The following RNF8 variants were observed in gnomAD, a reference collection of about 807,000 sequenced individuals.
RNF8 encodes the protein E3 ubiquitin-protein ligase RNF8.
A neutral mutation model predicts 59.3 loss-of-function variants in RNF8; 8 were observed. The observed-to-expected ratio is 0.13, with a 90% CI of 0.08 to 0.24. The LOEUF (loss-of-function observed/expected upper bound fraction) is 0.24, where lower values mean the gene tolerates loss of function less well. Ranked by LOEUF, RNF8 falls within the 10% of genes least tolerant of loss-of-function variation. The pLI is 1.00. For missense variants in RNF8, 406 were observed against 572.6 expected (o/e 0.71, Z 2.97); for synonymous variants, 162 against 200.0 (o/e 0.81, Z 1.60).
At chr6:37,361,028 C>T (rs1340521291) in intron 2 of RNF8, among the ~76,000 whole-genome samples, 1 of 152,116 alleles carries the variant, frequency 6.6e-6, no homozygotes, top group Non-Finnish European at 1.5e-5. Context: ...CTCCCCTGGC[C>T]TTTAAAACAT....
intron 5 of RNF8, among the ~76,000 whole-genome samples, chr6:37,375,609 A>G (rs1280270790): frequency 1.3e-5 from 2 of 152,170 alleles, no homozygotes; most frequent in Non-Finnish European, 2.9e-5. Flanking sequence ...ATCACATAAT[A>G]CCTTCCTCTC....
chr6:37,381,600 G>T (rs182915969), intron 7 of RNF8, among the ~76,000 whole-genome samples: 2 of 152,228 alleles, frequency 1.3e-5, no homozygotes, highest in African/African-American at 4.8e-5. Context: ...CCTTGGTTGT[G>T]GGGGGATAAA....
At chr6:37,361,347 A>G (rs1312035346) in intron 2 of RNF8, 1 of 455,774 alleles carries the variant, frequency 2.2e-6, no homozygotes, top group East Asian at 6.9e-5. Context: ...GGGGACCACC[A>G]GTTTGTCTAA....
rs556846365 is a variant in RNF8 at position 37,365,434 on chromosome 6, C to T, written c.241-3050C>T. Among the ~76,000 whole-genome samples the T allele has an allele frequency of 3.9e-5, 6 of 152,350 alleles. No individual in the cohort carries two copies. In the South Asian group the frequency reaches 1.2e-3, roughly 32 times the overall value. ...TAAAATACTGATACTTAGTTCCTATCTCAGACCACTTAACTCACTCCGAGG... is the reference window on the plus strand; with the variant it reads ...TAAAATACTGATACTTAGTTCCTATTTCAGACCACTTAACTCACTCCGAGG... On this transcript the variant is annotated intron_variant, in intron 2 of 7. Coordinates refer to ENST00000373479, the MANE Select transcript of RNF8 (RefSeq NM_003958.4).
rs369525617 is a variant in RNF8 at position 37,354,413 on chromosome 6, T to TG, written c.111+146dup. On this transcript the variant is annotated intron_variant, in intron 1 of 7. Transcript: ENST00000373479. Reference sequence around the variant, plus strand: ...ATCAGGAAGAGGAGCGAAGTGTCTGTGGGGGGGGTGGATTCCTGGGGAGAG... The same window carrying TG: ...ATCAGGAAGAGGAGCGAAGTGTCTGTGGGGGGGGGTGGATTCCTGGGGAGAG... 2.5e-3 allele frequency: 1,235 copies of TG among 502,386 alleles called. 2 individuals are homozygous for TG. Among genetic ancestry groups the TG allele is most frequent in the East Asian group, 9.0e-3 (227 of 25,300 alleles). 31.1% of individuals were successfully genotyped at this position (502,386 alleles called of 1,614,324 possible). A position where few individuals can be genotyped will look rare whatever the true frequency, so the allele number is the denominator to read the frequency against.
At chr6:37,384,131 ATTTT>A (rs70977654) in intron 7 of RNF8, among the ~76,000 whole-genome samples, 2 of 124,054 alleles carry the variant, frequency 1.6e-5, no homozygotes, top group Non-Finnish European at 1.7e-5. Flanking sequence ...CCTTGCTACT[ATTTT>A]TTTTTTTTTT....
At chr6:37,379,652 T>C (rs1770170988) in intron 6 of RNF8, among the ~76,000 whole-genome samples, 1 of 152,228 alleles carries the variant, frequency 6.6e-6, no homozygotes, top group African/African-American at 2.4e-5. Flanking sequence ...TACTTAGATA[T>C]TCAGGCGTTG....
Position 37,390,743 on chromosome 6 carries a change from A to G in RNF8, c.1443A>G (p.Ala481=), listed in dbSNP as rs1440271619. Residue 481 remains alanine (A), a splice_region_variant and synonymous_variant, in exon 8 of 8, where the codon GCA becomes GCG. Coordinates refer to ENST00000373479, the MANE Select transcript of RNF8 (RefSeq NM_003958.4). ...RRIVLIRERK[A]KRLF ...TATTTCTCTTCTTTTTCTCCAAAGC[A>G]AAGAGATTGTTCTGAAGACCGTGCT... The G allele has an allele frequency of 3.7e-6, 6 of 1,611,104 alleles. No homozygotes were observed. The highest frequency in any genetic ancestry group is 5.1e-6 in the Non-Finnish European group (6 of 1,177,368).
At chr6:37,354,389 T>C (rs896577676) in intron 1 of RNF8, 114 bp downstream of exon 1, 1 of 810,254 alleles carries the variant, frequency 1.2e-6, no homozygotes, top group Non-Finnish European at 1.9e-6. Flanking sequence ...GAGGCGGGCA[T>C]CAGGAAGAGG....
At chr6:37,376,236 A>G (rs1215086031) in intron 5 of RNF8, among the ~76,000 whole-genome samples, 3 of 152,066 alleles carry the variant, frequency 2.0e-5, no homozygotes, top group South Asian at 2.1e-4. Flanking sequence ...TTAATGTCCC[A>G]TCTGGTCTTG....
At chr6:37,361,666 T>C (rs1276434868) in intron 2 of RNF8, 1 of 303,338 alleles carries the variant, frequency 3.3e-6, no homozygotes, top group Non-Finnish European at 6.4e-6. Context: ...AAGGTACCAT[T>C]AGAAGGGAGG....
chr6:37,361,524 G>A (rs943187469), intron 2 of RNF8: 3 of 354,046 alleles, frequency 8.5e-6, no homozygotes, highest in Non-Finnish European at 1.1e-5. Flanking sequence ...AGATATACAA[G>A]CACCGAGGAA....
intron 7 of RNF8, among the ~76,000 whole-genome samples, chr6:37,382,209 T>C (rs1395996806): frequency 1.3e-5 from 2 of 152,184 alleles, no homozygotes; most frequent in Admixed American, 6.5e-5. Context: ...GATAGTGTGA[T>C]GAGTTCCTTA....
chr6:37,375,535 C>A (rs190150704), intron 5 of RNF8, among the ~76,000 whole-genome samples: 1 of 152,170 alleles, frequency 6.6e-6, no homozygotes, highest in Non-Finnish European at 1.5e-5. Context: ...CATCCCACCC[C>A]CTCCATGTAC....
At position 37,357,200 on chromosome 6, in the gene RNF8, G is replaced by A. The variant is rs184562114; in HGVS notation, c.111+2925G>A. 4.9e-3 allele frequency among the ~76,000 whole-genome samples: 744 copies of A among 152,280 alleles called. 2 individuals are homozygous for A. Among genetic ancestry groups the A allele is most frequent in the Non-Finnish European group, 7.2e-3 (490 of 68,034 alleles). On this transcript the variant is annotated intron_variant, in intron 1 of 7. Transcript: ENST00000373479. ...AAATGAAAACAACCCCTCACATATG[G>A]GTCGTCAGTCAGTTCCCACGGGAAA...
Position 37,381,259 on chromosome 6 carries a change from A to G in RNF8, c.1346A>G (p.Tyr449Cys), listed in dbSNP as rs754681006. ...ICRKDIKSKTYSLVLDNCINK... is the reference protein window; with the variant it reads ...ICRKDIKSKTCSLVLDNCINK... ...CGGAAGGACATTAAGTCCAAAACGTACTCTTTGGTTCTGGACAATTGCATT... is the reference window on the plus strand; with the variant it reads ...CGGAAGGACATTAAGTCCAAAACGTGCTCTTTGGTTCTGGACAATTGCATT... Residue 449 changes from tyrosine (Y) to cysteine (C), a missense_variant, in exon 7 of 8, where the codon TAC (tyrosine) becomes TGC (cysteine). Around this residue, in one of 3 missense-constraint regions of RNF8, gnomAD observed 59 missense variants for 118.5 expected, o/e 0.50. Transcript: ENST00000373479. 1.6e-5 allele frequency: 26 copies of G among 1,613,896 alleles called. No individual in the cohort carries two copies. The highest frequency in any genetic ancestry group is 2.2e-5 in the Non-Finnish European group (26 of 1,180,004).
At chr6:37,384,709 A>G (rs924878659) in intron 7 of RNF8, among the ~76,000 whole-genome samples, 3 of 152,242 alleles carry the variant, frequency 2.0e-5, no homozygotes, top group South Asian at 4.1e-4. Context: ...AGTATCCATC[A>G]GCCCACCTGT....
At chr6:37,384,449 G>T (rs1770412795) in intron 7 of RNF8, among the ~76,000 whole-genome samples, 1 of 152,076 alleles carries the variant, frequency 6.6e-6, no homozygotes, top group Admixed American at 6.6e-5. Flanking sequence ...GCCCCTTGCT[G>T]CTGTAATAGT....
At chr6:37,367,029 T>G (rs1398307819) in intron 2 of RNF8, among the ~76,000 whole-genome samples, 1 of 152,226 alleles carries the variant, frequency 6.6e-6, no homozygotes, top group African/African-American at 2.4e-5. Flanking sequence ...TGCTGAAAGC[T>G]TTCATGTCCT....
Sources: gnomAD v4.1 joint callset for allele counts (sites outside exome capture counted in the v4.1 genomes callset) on GRCh38, gnomAD v4.1.1 for gene constraint, gnomAD v4.1.1 regional missense constraint, MANE v1.5 for transcripts, NCBI Gene and HGNC (gene_info 2026-07-23, HGNC 2026-07-21) for gene names.